GAST: variants seen among roughly 807,000 people sequenced by gnomAD.
GAST encodes preprogastrin.
A neutral mutation model predicts 12.5 loss-of-function variants in GAST; 9 were observed. The observed-to-expected ratio is 0.72, with a 90% CI of 0.43 to 1.25. GAST has a LOEUF of 1.25. Among genes scored for constraint, GAST ranks in the 50% most tolerant of loss-of-function variants. The probability of loss-of-function intolerance (pLI) is 0.00; values close to 1 mark genes in which losing one functional copy is unlikely to be tolerated. For missense variants in GAST, 121 were observed against 127.7 expected, an observed-to-expected ratio of 0.95 and a Z score of 0.25; for synonymous variants, 52 against 51.1, an observed-to-expected ratio of 1.02 and a Z score of -0.08.
At chr17:41,712,646 C>A (rs758146922) in intron 1 of GAST, among the ~76,000 whole-genome samples, 14 of 152,210 alleles carry the variant, frequency 9.2e-5, no homozygotes, top group Non-Finnish European at 1.6e-4. Context: ...CTCTTCCCAG[C>A]CCTGGGAGGT....
Position 41,715,863 on chromosome 17 carries a change from T to A in GAST, c.297T>A (p.Asp99Glu). 1 of 1,604,216 alleles carries A rather than the reference T, an allele frequency of 6.2e-7. No homozygotes were observed. The highest frequency in any genetic ancestry group is 1.3e-5 in the African/African-American group (1 of 74,382). The change falls in exon 3 of 3, where the codon GAT becomes GAA. Residue 99 changes from aspartate (D) to glutamate (E), a missense_variant. By Grantham distance (45) the Asp-to-Glu change is conservative. Transcript: ENST00000329402. ...WMDFGRRSAE[D>E]EN ...ACTTCGGCCGCCGCAGTGCTGAGGA[T>A]GAGAACTAACAATCCTAGAACCAAG...
In GAST at chr17:41,715,444, G is replaced by A. The variant is rs34309618; in HGVS notation, c.8G>A (p.Arg3Gln). 1.3e-4 allele frequency: 213 copies of A among 1,611,414 alleles called. No homozygotes were observed. The African/African-American group carries it at 1.6e-3, about 12-fold the overall frequency. The change falls in exon 2 of 3, where the codon CGA (arginine) becomes CAA (glutamine). Residue 3 changes from arginine to glutamine, a missense_variant. Physicochemically the swap from Arg to Gln is conservative, Grantham distance 43. Transcript: ENST00000329402. ...CTCCCCTTTGCAGACGAGATGCAGC[G>A]ACTGTGTGTGTATGTGCTGATCTTT... MQ[R>Q]LCVYVLIFAL... is the part of the protein sequence containing the mutation.
Position 41,715,736 on chromosome 17 carries a change from G to A in GAST, c.212-42G>A, listed in dbSNP as rs782049514. On this transcript the variant is annotated intron_variant, in intron 2 of 2. Coordinates refer to ENST00000329402, the MANE Select transcript of GAST (RefSeq NM_000805.5). ...TGGCTCTGACTTCAGTTCCTGGAAG[G>A]TAGGCATCCTTCCCCCATTCTCGCC... 3.8e-6 allele frequency: 6 copies of A among 1,595,422 alleles called. No individual in the cohort carries two copies. In the South Asian group the frequency reaches 6.8e-5, roughly 18 times the overall value.
chr17:41,715,826 A>G lies in GAST; in HGVS notation c.260A>G (p.Tyr87Cys), dbSNP rs1910968394. The G allele has an allele frequency of 6.2e-7, 1 of 1,612,506 alleles. No homozygotes were observed. Among genetic ancestry groups the G allele is most frequent in the Non-Finnish European group, 8.5e-7 (1 of 1,179,494 alleles). Residue 87 changes from tyrosine (Y) to cysteine (C), a missense_variant, in exon 3 of 3, where the codon TAT becomes TGT. Physicochemically the swap from Tyr to Cys is radical, Grantham distance 194. Coordinates refer to ENST00000329402, the MANE Select transcript of GAST (RefSeq NM_000805.5). ...TGGCTGGAGGAAGAAGAAGAAGCCT[A>G]TGGATGGATGGACTTCGGCCGCCGC... is the stretch of plus-strand genomic sequence containing the variant. ...GPWLEEEEEA[Y>C]GWMDFGRRSA...
Position 41,715,781 on chromosome 17 carries a change from C to A in GAST, c.215C>A (p.Pro72Gln). The change falls in exon 3 of 3, where the codon CCG becomes CAG. Residue 72 changes from proline to glutamine, a missense_variant. Physicochemically the swap from Pro to Gln is moderately conservative, Grantham distance 76. Coordinates refer to ENST00000329402, the MANE Select transcript of GAST (RefSeq NM_000805.5). ...PQGPPHLVADPSKKQGPWLEE... is the reference protein window; with the variant it reads ...PQGPPHLVADQSKKQGPWLEE... ...CTCGCCTCTCTCACCTCCTCAGACC[C>A]GTCCAAGAAGCAGGGACCATGGCTG... The A allele has an allele frequency of 6.2e-7, 1 of 1,607,588 alleles. No homozygotes were observed. Among genetic ancestry groups the A allele is most frequent in the South Asian group, 1.1e-5 (1 of 90,076 alleles).
intron 1 of GAST, among the ~76,000 whole-genome samples, 182 bp downstream of exon 1, chr17:41,712,569 C>T (rs1910879218): frequency 6.6e-6 from 1 of 152,202 alleles, no homozygotes; most frequent in South Asian, 2.1e-4. Flanking sequence ...CCCTGGTATT[C>T]CCAACCTTGC....
intron 1 of GAST, among the ~76,000 whole-genome samples, chr17:41,714,491 G>A (rs1356338299): frequency 6.6e-6 from 1 of 152,100 alleles, no homozygotes; most frequent in African/African-American, 2.4e-5. Flanking sequence ...CAAGTCTTGG[G>A]CTGAGCACAG....
Position 41,715,523 on chromosome 17 carries a change from GC to G in GAST, c.89del (p.Pro30GlnfsTer5). The G allele has an allele frequency of 6.2e-7, 1 of 1,613,672 alleles. No individual in the cohort carries two copies. Among genetic ancestry groups the G allele is most frequent in the Non-Finnish European group, 8.5e-7 (1 of 1,180,028 alleles). On this transcript the variant is annotated frameshift_variant, in exon 2 of 3. Transcript: ENST00000329402. LOFTEE classifies it high-confidence loss of function. ...CTTCTTGGAAGCCCCGCTCCCAGCA[GC>G]CAGATGCACCCTTAGGTACAGGGGC... ...EASWKPRSQQPDAPLGTGANR... is the reference protein window; with the variant it reads ...EASWKPRSQQXDAPLGTGANR...
At chr17:41,715,699 G>T (rs781978713) in intron 2 of GAST, 52 bp downstream of exon 2, 2 of 1,602,604 alleles carry the variant, frequency 1.2e-6, no homozygotes, top group Non-Finnish European at 1.7e-6. Context: ...TTTGGCCAAG[G>T]TCTCCCCAGA....
chr17:41,715,842 C>T lies in GAST; in HGVS notation c.276C>T (p.Phe92=), dbSNP rs201414566. ...AAGAAGCCTATGGATGGATGGACTT[C>T]GGCCGCCGCAGTGCTGAGGATGAGA... The part of the protein sequence containing the change: ...EEEEAYGWMD[F]GRRSAEDEN The change falls in exon 3 of 3, where the codon TTC becomes TTT. Residue 92 remains phenylalanine (F), a synonymous_variant. Transcript: ENST00000329402. 7 of 1,611,402 alleles carry T rather than the reference C, an allele frequency of 4.3e-6. No individual in the cohort carries two copies. Among genetic ancestry groups the T allele is most frequent in the South Asian group, 2.2e-5 (2 of 90,772 alleles).
intron 1 of GAST, among the ~76,000 whole-genome samples, chr17:41,714,105 A>G (rs1488465750): frequency 1.3e-5 from 2 of 152,240 alleles, no homozygotes; most frequent in Non-Finnish European, 2.9e-5. Context: ...CTCCAAAGTG[A>G]TAACATGCGG....
At chr17:41,715,739 G>A in intron 2 of GAST, 39 bp from the exon 3 acceptor site, 2 of 1,595,420 alleles carry the variant, frequency 1.3e-6, no homozygotes, top group Non-Finnish European at 1.7e-6. Context: ...CTGGAAGGTA[G>A]GCATCCTTCC....
At chr17:41,713,061 GC>G (rs1910891450) in intron 1 of GAST, among the ~76,000 whole-genome samples, 1 of 151,660 alleles carries the variant, frequency 6.6e-6, no homozygotes. Flanking sequence ...GATTACAGGC[GC>G]CTGCCACAAC....
intron 1 of GAST, 52 bp from the exon 2 acceptor site, chr17:41,715,380 G>T: frequency 7.0e-7 from 1 of 1,425,172 alleles, no homozygotes. Flanking sequence ...CTGCCTCTGG[G>T]CCTCTGTGGG....
intron 1 of GAST, among the ~76,000 whole-genome samples, chr17:41,713,007 C>T (rs920138280): frequency 6.6e-6 from 1 of 152,048 alleles, no homozygotes; most frequent in Non-Finnish European, 1.5e-5. Flanking sequence ...CCTCTGCCTC[C>T]CAGGTTCAAG....
At chr17:41,713,876 ATGTT>A (rs1160648970) in intron 1 of GAST, among the ~76,000 whole-genome samples, 12 of 152,204 alleles carry the variant, frequency 7.9e-5, no homozygotes, top group Non-Finnish European at 1.5e-4. Flanking sequence ...TTTGAATTTT[ATGTT>A]TGTTTGAGAT....
At chr17:41,715,080 C>T (rs2143139409) in intron 1 of GAST, among the ~76,000 whole-genome samples, 1 of 152,200 alleles carries the variant, frequency 6.6e-6, no homozygotes, top group East Asian at 1.9e-4. Flanking sequence ...GGGTGGATCA[C>T]CTGAGGTCAG....
At position 41,715,961 on chromosome 17, in the gene GAST, T is replaced by G; in HGVS notation, c.*89T>G. ...AAAACTGATCAAAAATAAACTAGTT[T>G]CCAGTGGATCAATGGACTGTGTCAG... On this transcript the variant is annotated 3_prime_UTR_variant, in exon 3 of 3. Transcript: ENST00000329402. The G allele has an allele frequency of 3.1e-6, 3 of 970,494 alleles. No homozygotes were observed. The highest frequency in any genetic ancestry group is 4.6e-6 in the Non-Finnish European group (3 of 651,576). The allele number at this position is 970,494 out of a possible 1,614,324, so 60.1% of individuals were successfully genotyped here.
rs200971654 is a variant in GAST, at chr17:41,715,637, C to T, written c.201C>T (p.His67=). The T allele has an allele frequency of 2.5e-6, 4 of 1,613,500 alleles. No homozygotes were observed. The African/African-American group carries it at 5.3e-5, about 22-fold the overall frequency. Residue 67 remains histidine (H), a synonymous_variant, in exon 2 of 3, where the codon CAC becomes CAT. Coordinates refer to ENST00000329402, the MANE Select transcript of GAST (RefSeq NM_000805.5). ...AGCTGGGACCCCAGGGTCCCCCACACCTCGTGGCAGGTAGGAGCTGCTGAC... is the reference window on the plus strand; with the variant it reads ...AGCTGGGACCCCAGGGTCCCCCACATCTCGTGGCAGGTAGGAGCTGCTGAC... ...RRQLGPQGPP[H]LVADPSKKQG...
Sources: gnomAD v4.1 joint callset for allele counts (sites outside exome capture counted in the v4.1 genomes callset) on GRCh38, gnomAD v4.1.1 for gene constraint, MANE v1.5 for transcripts, NCBI Gene and HGNC (gene_info 2026-07-23, HGNC 2026-07-21) for gene names.